MGAT4C: variants seen among roughly 807,000 people sequenced by gnomAD.
MGAT4C encodes MGAT4 family member C, also known as alpha-1,3-mannosyl-glycoprotein 4-beta-N-acetylglucosaminyltransferase C.
In MGAT4C, 19 loss-of-function variants were observed where a neutral mutation model predicts 40.1. The observed-to-expected ratio is 0.47, with a 90% CI of 0.33 to 0.70. The LOEUF (loss-of-function observed/expected upper bound fraction) is 0.70. Among genes scored for constraint, MGAT4C ranks in the 30% least tolerant of loss-of-function variants. The pLI is 0.02. For synonymous variants in MGAT4C, 181 were observed against 187.1 expected, an observed-to-expected ratio of 0.97 and a Z score of 0.27; for missense variants, 491 against 563.2, an observed-to-expected ratio of 0.87 and a Z score of 1.30.
chr12:86,349,399 G>T (rs1955110070), intron 3 of MGAT4C, among the ~76,000 whole-genome samples: 1 of 152,086 alleles, frequency 6.6e-6, no homozygotes, highest in African/African-American at 2.4e-5. Flanking sequence ...CGTTGTATTG[G>T]TATTCCCAAC....
chr12:86,477,680 C>T lies in MGAT4C; in HGVS notation c.-228-42415G>A, dbSNP rs553579095. Among the ~76,000 whole-genome samples the T allele has an allele frequency of 3.8e-3, 580 of 152,064 alleles. 4 individuals carry two copies. The highest frequency in any genetic ancestry group is 0.013 in the African/African-American group (557 of 41,498). ...TTACATATGTATACATGTGCCATGT[C>T]GGTGTGCTGCACCCATTAACTCGTC... is the stretch of plus-strand genomic sequence containing the variant. On this transcript the variant is annotated intron_variant, in intron 2 of 7. Transcript: ENST00000548651.
chr12:86,570,409 T>C (rs1196809298), intron 2 of MGAT4C, among the ~76,000 whole-genome samples: 2 of 152,130 alleles, frequency 1.3e-5, no homozygotes, highest in Non-Finnish European at 2.9e-5. Flanking sequence ...TTTTGTCTAA[T>C]AAGACTTGTT....
At chr12:86,424,390 T>A (rs962929776) in intron 3 of MGAT4C, among the ~76,000 whole-genome samples, 4 of 152,332 alleles carry the variant, frequency 2.6e-5, no homozygotes, top group African/African-American at 9.6e-5. Flanking sequence ...TTATTCAGTG[T>A]TCTTTTTTTA....
chr12:86,415,486 G>A (rs777907552), intron 3 of MGAT4C, among the ~76,000 whole-genome samples: 111 of 152,094 alleles, frequency 7.3e-4, no homozygotes, highest in Middle Eastern at 3.4e-3. Context: ...AAAAGTGATG[G>A]AACAAGAGTT....
chr12:86,590,075 G>A (rs564303200), intron 2 of MGAT4C, among the ~76,000 whole-genome samples: 1 of 151,948 alleles, frequency 6.6e-6, no homozygotes, highest in Admixed American at 6.6e-5. Flanking sequence ...TTAACAAAGG[G>A]AGAGGAGTAC....
chr12:86,669,296 C>A (rs1654211236), intron 2 of MGAT4C, among the ~76,000 whole-genome samples: 1 of 151,912 alleles, frequency 6.6e-6, no homozygotes, highest in African/African-American at 2.4e-5. Flanking sequence ...ACAGCCCCAC[C>A]TTTCCTGTGC....
chr12:86,066,781 G>C (rs1243994544), intron 1 of MGAT4C, among the ~76,000 whole-genome samples: 1 of 152,030 alleles, frequency 6.6e-6, no homozygotes, highest in Non-Finnish European at 1.5e-5. Flanking sequence ...GCAACCTAAA[G>C]AATGGGAGAG....
intron 3 of MGAT4C, among the ~76,000 whole-genome samples, chr12:86,400,322 T>C (rs1956333433): frequency 6.6e-6 from 1 of 152,368 alleles, no homozygotes; most frequent in Non-Finnish European, 1.5e-5. Flanking sequence ...TTTCTTTTTA[T>C]TTCTTAGTAT....
At chr12:86,126,219 A>C (rs1880231989) in intron 1 of MGAT4C, among the ~76,000 whole-genome samples, 1 of 152,018 alleles carries the variant, frequency 6.6e-6, no homozygotes, top group Admixed American at 6.6e-5. Flanking sequence ...ATATTGAATA[A>C]AGATGACTTT....
intron 2 of MGAT4C, among the ~76,000 whole-genome samples, chr12:86,525,908 T>C (rs1027474173): frequency 2.0e-5 from 3 of 152,322 alleles, no homozygotes; most frequent in Admixed American, 6.5e-5. Context: ...GTAGTGACAG[T>C]GGGATCCGTC....
chr12:86,733,014 G>A (rs573327671), intron 1 of MGAT4C, among the ~76,000 whole-genome samples: 1 of 152,090 alleles, frequency 6.6e-6, no homozygotes, highest in African/African-American at 2.4e-5. Context: ...TTTAATAAAA[G>A]CTATATTACT....
At chr12:86,270,410 A>G (rs1952914930) in intron 4 of MGAT4C, among the ~76,000 whole-genome samples, 2 of 152,054 alleles carry the variant, frequency 1.3e-5, no homozygotes, top group Non-Finnish European at 2.9e-5. Flanking sequence ...ATTAAAAAAG[A>G]ACTCCCCATA....
intron 2 of MGAT4C, among the ~76,000 whole-genome samples, chr12:86,578,033 C>T (rs945805381): frequency 6.6e-6 from 1 of 151,690 alleles, no homozygotes; most frequent in Non-Finnish European, 1.5e-5. Flanking sequence ...AACCTGTAAC[C>T]TGATTACCTC....
In MGAT4C at chr12:85,975,500, T is replaced by C. The variant is rs930809131; in HGVS notation, c.*3789A>G. 6.6e-6 allele frequency: 1 copy of C among 150,990 alleles called. No individual in the cohort carries two copies. Among genetic ancestry groups the C allele is most frequent in the African/African-American group, 2.4e-5 (1 of 41,348 alleles). The allele number at this position is 150,990 out of a possible 1,614,324, so 9.4% of individuals were successfully genotyped here. On this transcript the variant is annotated 3_prime_UTR_variant, in exon 5 of 5. Transcript: ENST00000611864. The stretch of plus-strand genomic sequence containing the variant: ...GAAACTGAGTTTCAAGAAGGTTAAG[T>C]AAATTTCCTCATATTGGGAGGCTGG...
At chr12:86,357,404 T>C (rs1955340498) in intron 3 of MGAT4C, among the ~76,000 whole-genome samples, 1 of 152,048 alleles carries the variant, frequency 6.6e-6, no homozygotes, top group East Asian at 1.9e-4. Context: ...ATTCTAAAAA[T>C]CAGAGCACCT....
intron 2 of MGAT4C, among the ~76,000 whole-genome samples, chr12:86,003,694 TACTC>T (rs1210065333): frequency 6.6e-6 from 1 of 152,264 alleles, no homozygotes; most frequent in African/African-American, 2.4e-5. Context: ...AAGTAATAAA[TACTC>T]ACTAAATATC....
chr12:86,158,473 C>T (rs1885226711), intron 1 of MGAT4C, among the ~76,000 whole-genome samples: 1 of 152,012 alleles, frequency 6.6e-6, no homozygotes, highest in Non-Finnish European at 1.5e-5. Flanking sequence ...TGTAAATGTT[C>T]AATACAATAA....
At position 85,964,837 on chromosome 12, in the gene MGAT4C, C is replaced by T. The variant is rs1034848213; in HGVS notation, c.*14452G>A. 6.6e-6 allele frequency: 1 copy of T among 152,064 alleles called. No individual in the cohort carries two copies. Among genetic ancestry groups the T allele is most frequent in the Non-Finnish European group, 1.5e-5 (1 of 68,008 alleles). 9.4% of individuals were successfully genotyped at this position (152,064 alleles called of 1,614,324 possible). On this transcript the variant is annotated 3_prime_UTR_variant, in exon 5 of 5. Transcript: ENST00000611864. Reference sequence around the variant, plus strand: ...ATGTGATTTATTAAAAGTTCTCCATCCCAAAATATATGTCCCATCTGTGGG... The same window carrying T: ...ATGTGATTTATTAAAAGTTCTCCATTCCAAAATATATGTCCCATCTGTGGG...
intron 1 of MGAT4C, among the ~76,000 whole-genome samples, chr12:86,073,102 T>C (rs1456083237): frequency 6.6e-6 from 1 of 152,146 alleles, no homozygotes; most frequent in African/African-American, 2.4e-5. Flanking sequence ...AATTGAATCA[T>C]GGGGGTGGTT....
Sources: gnomAD v4.1 joint callset for allele counts (sites outside exome capture counted in the v4.1 genomes callset) on GRCh38, gnomAD v4.1.1 for gene constraint, MANE v1.5 for transcripts, NCBI Gene and HGNC (gene_info 2026-07-23, HGNC 2026-07-21) for gene names.